Variants in STOX2 observed in about 807,000 individuals in gnomAD.
STOX2 encodes the protein storkhead-box protein 2.
STOX2 carries 28 observed loss-of-function variants against 60.9 expected under a neutral mutation model. That is an observed-to-expected ratio of 0.46 (90% CI 0.34 to 0.63). The LOEUF is 0.63. STOX2 is among the 30% of genes least tolerant of loss of function. The pLI is 0.01. For synonymous variants in STOX2, 472 were observed against 463.9 expected, an observed-to-expected ratio of 1.02 and a Z score of -0.22; for missense variants, 1,024 against 1,187.7, an observed-to-expected ratio of 0.86 and a Z score of 2.03.
intron 1 of STOX2, among the ~76,000 whole-genome samples, chr4:183,835,882 A>G (rs985281538): frequency 6.6e-6 from 1 of 152,198 alleles, no homozygotes; most frequent in Admixed American, 6.5e-5. Flanking sequence ...GTATACACCT[A>G]GGAGTGGAAT....
chr4:183,818,717 G>A (rs1739218436), intron 1 of STOX2, among the ~76,000 whole-genome samples: 1 of 150,192 alleles, frequency 6.7e-6, no homozygotes, highest in Non-Finnish European at 1.5e-5. Context: ...AGCCGGCTGG[G>A]CGGGGGCTGA....
chr4:183,918,491 G>C (rs184335911), intron 1 of STOX2, among the ~76,000 whole-genome samples: 44 of 152,350 alleles, frequency 2.9e-4, no homozygotes, highest in Non-Finnish European at 2.9e-4. Context: ...CCGCTTCTGA[G>C]CTGCGAGTTC....
rs1741573142 is a variant in STOX2, at chr4:183,905,682, C to T, written c.-1109C>T. 1.3e-5 allele frequency: 2 copies of T among 152,492 alleles called. No homozygotes were observed. The allele number at this position is 152,492 out of a possible 1,614,324, so 9.4% of individuals were successfully genotyped here. The stretch of plus-strand genomic sequence containing the variant: ...GGGGCAGCTGCCAAGGTCCCCGCGC[C>T]GCCGCCGGGTGTTTTACATGAAAAT... On this transcript the variant is annotated 5_prime_UTR_variant, in exon 1 of 4. Coordinates refer to ENST00000308497, the MANE Select transcript of STOX2 (RefSeq NM_020225.3).
intron 1 of STOX2, among the ~76,000 whole-genome samples, chr4:183,802,622 T>TTC (rs2111091823): frequency 6.6e-6 from 1 of 151,890 alleles, no homozygotes; most frequent in East Asian, 1.9e-4. Flanking sequence ...TCTTTTTTTT[T>TTC]TGAGGCGGAG....
intron 1 of STOX2, among the ~76,000 whole-genome samples, chr4:183,891,821 A>G (rs916900216): frequency 2.6e-5 from 4 of 152,146 alleles, no homozygotes; most frequent in Non-Finnish European, 5.9e-5. Context: ...AAAAAAAGGA[A>G]TTTGTCTGTG....
Position 183,879,877 on chromosome 4 carries a change from G to A in STOX2, c.364+81822G>A, listed in dbSNP as rs1384042754. ...GCATGGCAATGAGAGGCGATAGTAC[G>A]ACATGGTGCAAATCGTACCACGTCG... On this transcript the variant is annotated intron_variant, in intron 1 of 2. Transcript: ENST00000513034. 2.0e-5 allele frequency among the ~76,000 whole-genome samples: 3 copies of A among 152,142 alleles called. No homozygotes were observed. The East Asian group carries it at 5.8e-4, about 29-fold the overall frequency.
At chr4:183,998,237 T>C (rs930188228) in intron 1 of STOX2, among the ~76,000 whole-genome samples, 3 of 152,206 alleles carry the variant, frequency 2.0e-5, no homozygotes, top group Admixed American at 6.5e-5. Flanking sequence ...GGAATCTGCA[T>C]TGATCCTGTC....
In STOX2 at chr4:183,819,415, C is replaced by T. The variant is rs376434358; in HGVS notation, c.364+21360C>T. On this transcript the variant is annotated intron_variant, in intron 1 of 2. Coordinates refer to the STOX2 transcript ENST00000513034. Reference sequence around the variant, plus strand: ...CGAAAACCAGTCAGGCATGGCGGCGCGCGCCCACAATCGCAGGCACTGGGC... The same window carrying T: ...CGAAAACCAGTCAGGCATGGCGGCGTGCGCCCACAATCGCAGGCACTGGGC... Among the ~76,000 whole-genome samples the T allele has an allele frequency of 1.2e-4, 18 of 152,060 alleles. No individual in the cohort carries two copies. In the South Asian group the frequency reaches 1.3e-3, roughly 11 times the overall value.
intron 1 of STOX2, among the ~76,000 whole-genome samples, chr4:183,988,117 A>G (rs1732930425): frequency 2.6e-5 from 4 of 152,100 alleles, no homozygotes; most frequent in African/African-American, 9.6e-5. Flanking sequence ...GTACATTCTG[A>G]CCTCGCGTCT....
intron 1 of STOX2, among the ~76,000 whole-genome samples, chr4:183,998,781 A>G (rs1025616782): frequency 3.3e-5 from 5 of 152,172 alleles, no homozygotes; most frequent in African/African-American, 1.2e-4. Context: ...GGCTAAAACA[A>G]TCTGCCTGCC....
chr4:183,798,582 C>G (rs1387968089), intron 1 of STOX2: 2 of 974,550 alleles, frequency 2.1e-6, no homozygotes, highest in South Asian at 9.5e-5. Context: ...CTGAGTGTTG[C>G]GCGCACGCAT....
chr4:183,914,258 C>T (rs559624969), intron 1 of STOX2, among the ~76,000 whole-genome samples: 25 of 151,894 alleles, frequency 1.6e-4, no homozygotes, highest in African/African-American at 4.6e-4. Flanking sequence ...GTGAACATGG[C>T]GAAACCCCGT....
intron 1 of STOX2, among the ~76,000 whole-genome samples, chr4:183,919,602 T>C (rs745829517): frequency 3.3e-5 from 5 of 152,000 alleles, no homozygotes; most frequent in Non-Finnish European, 7.4e-5. Flanking sequence ...AAGGAAACCA[T>C]TGTTGTTATT....
intron 1 of STOX2, among the ~76,000 whole-genome samples, chr4:183,936,785 T>C (rs1466806778): frequency 6.6e-6 from 1 of 152,212 alleles, no homozygotes; most frequent in Non-Finnish European, 1.5e-5. Flanking sequence ...ACAGTTTGTC[T>C]TATTTCAAAA....
At chr4:183,877,029 A>C (rs929415547) in intron 1 of STOX2, among the ~76,000 whole-genome samples, 2 of 152,192 alleles carry the variant, frequency 1.3e-5, no homozygotes, top group Non-Finnish European at 2.9e-5. Flanking sequence ...AAAAAGGCCC[A>C]TACTATGAGA....
chr4:184,008,302 T>A (rs114157769), intron 2 of STOX2, among the ~76,000 whole-genome samples: 4,389 of 152,308 alleles, frequency 0.029, 80 homozygotes, highest in Admixed American at 0.058. Context: ...TCTCTTAAGG[T>A]AGACGAGGCA....
intron 1 of STOX2, among the ~76,000 whole-genome samples, chr4:183,892,106 TTTGTCTTAGCAAATCC>T (rs1227458017): frequency 1.3e-5 from 2 of 152,194 alleles, no homozygotes; most frequent in Non-Finnish European, 2.9e-5. Context: ...AAACCCTTGT[TTTGTCTTAGCAAATCC>T]TTGTCTTAGC....
At chr4:183,911,777 A>G (rs907672915) in intron 1 of STOX2, among the ~76,000 whole-genome samples, 4 of 152,328 alleles carry the variant, frequency 2.6e-5, no homozygotes, top group Admixed American at 2.6e-4. Context: ...GGTTATAACT[A>G]AAAGCAAAAT....
intron 1 of STOX2, among the ~76,000 whole-genome samples, chr4:183,867,046 G>A (rs552544922): frequency 4.6e-5 from 7 of 152,134 alleles, no homozygotes; most frequent in Non-Finnish European, 1.0e-4. Flanking sequence ...CTATGAGTGG[G>A]CACTATTTAC....
Sources: allele counts gnomAD v4.1 joint callset (sites outside exome capture counted in the v4.1 genomes callset), GRCh38; gene constraint gnomAD v4.1.1; transcripts MANE v1.5; gene names NCBI Gene and HGNC (gene_info 2026-07-23, HGNC 2026-07-21).